SLC66A1: variants seen among roughly 807,000 people sequenced by gnomAD.
The protein encoded by SLC66A1 is solute carrier family 66 member 1.
A neutral mutation model predicts 33.0 loss-of-function variants in SLC66A1; 23 were observed. That is an observed-to-expected ratio of 0.70 (90% CI 0.50 to 0.99). The LOEUF (loss-of-function observed/expected upper bound fraction) is 0.99. Among genes scored for constraint, SLC66A1 ranks in the 50% least tolerant of loss-of-function variants. The pLI, the probability that SLC66A1 is intolerant of heterozygous loss-of-function variation, is 0.00. For synonymous variants in SLC66A1, 164 were observed against 175.5 expected, an observed-to-expected ratio of 0.93 and a Z score of 0.52; for missense variants, 335 against 383.6, an observed-to-expected ratio of 0.87 and a Z score of 1.06.
At chr1:19,329,565 G>A (rs1450990754), downstream of SLC66A1, among the ~76,000 whole-genome samples, 2 of 152,228 alleles carry the variant, frequency 1.3e-5, no homozygotes, top group African/African-American at 4.8e-5. Context: ...TCAGGAAGAA[G>A]CAGAATGGTT....
chr1:19,319,679 G>A (rs552399165), intron 2 of SLC66A1, among the ~76,000 whole-genome samples: 30 of 148,888 alleles, frequency 2.0e-4, no homozygotes, highest in African/African-American at 7.5e-4. Flanking sequence ...AAGGCGGGCA[G>A]ATCGCCTGAG....
At chr1:19,315,065 C>T (rs2093798030) in intron 1 of SLC66A1, among the ~76,000 whole-genome samples, 1 of 152,156 alleles carries the variant, frequency 6.6e-6, no homozygotes, top group Non-Finnish European at 1.5e-5. Flanking sequence ...GCACCCACCA[C>T]GCCTGGCTAA....
At position 19,328,681 on chromosome 1, in the gene SLC66A1, G is replaced by A. The variant is rs370651694; in HGVS notation, c.*38G>A. On this transcript the variant is annotated 3_prime_UTR_variant, in exon 8 of 8. Transcript: ENST00000375153. The surrounding 1 kb of genome is among the most constrained non-coding windows in gnomAD (Gnocchi z 4.7). ...TGAGCGCAGGAGGACAGGCACCACC[G>A]GATGCCACACCAGGCAGGAGGAGGT... 115 of 1,599,086 alleles carry A rather than the reference G, an allele frequency of 7.2e-5. No individual in the cohort carries two copies. In the South Asian group the frequency reaches 1.0e-3, roughly 15 times the overall value.
At chr1:19,333,340 A>C (rs889282376), downstream of SLC66A1, among the ~76,000 whole-genome samples, 2 of 151,892 alleles carry the variant, frequency 1.3e-5, no homozygotes, top group Non-Finnish European at 2.9e-5. The surrounding 1 kb of genome is among the most constrained non-coding windows in gnomAD (Gnocchi z 4.2). Context: ...CACCACGCCC[A>C]GCTAGTTTTT....
intron 2 of SLC66A1, among the ~76,000 whole-genome samples, chr1:19,321,169 CTTTTTTTTTTTT>C (rs71577887): frequency 2.4e-5 from 2 of 82,102 alleles, no homozygotes; most frequent in Non-Finnish European, 4.3e-5. Flanking sequence ...CTTATCTCTT[CTTTTTTTTTTTT>C]TTTTTTTTTT....
intron 1 of SLC66A1, among the ~76,000 whole-genome samples, chr1:19,315,360 G>A (rs2093799540): frequency 6.6e-6 from 1 of 152,246 alleles, no homozygotes; most frequent in South Asian, 2.1e-4. Context: ...CCTGTGCCAG[G>A]CCCTGGAGGT....
At chr1:19,317,372 C>T (rs907380525) in intron 1 of SLC66A1, among the ~76,000 whole-genome samples, 5 of 152,248 alleles carry the variant, frequency 3.3e-5, no homozygotes, top group Non-Finnish European at 5.9e-5. Context: ...CCCGTCCCTT[C>T]TGCAGATCCA....
In SLC66A1 at chr1:19,324,611, CCTTCCT is replaced by C. The variant is rs1448140550; in HGVS notation, c.165-10_165-5del. ...CTGTAAGGTGGCCTGAGCATGCATCCCTTCCTCTTCCTCTTCCACAGCCAGTTCATC... is the reference window on the plus strand; with the variant it reads ...CTGTAAGGTGGCCTGAGCATGCATCCCTTCCTCTTCCACAGCCAGTTCATC... On this transcript the variant is annotated splice_polypyrimidine_tract_variant and intron_variant, in intron 2 of 7. Transcript: ENST00000375153. The C allele has an allele frequency of 5.6e-6, 9 of 1,613,636 alleles. No homozygotes were observed. The highest frequency in any genetic ancestry group is 1.1e-5 in the South Asian group (1 of 91,046).
chr1:19,326,122 A>T (rs2093864672), intron 4 of SLC66A1, 123 bp from the exon 5 acceptor site: 1 of 816,982 alleles, frequency 1.2e-6, no homozygotes, highest in Admixed American at 2.4e-5. Context: ...AAGCTCAGAG[A>T]GGTTAGGTCA....
At chr1:19,316,866 T>A (rs958704674) in intron 1 of SLC66A1, among the ~76,000 whole-genome samples, 4 of 150,686 alleles carry the variant, frequency 2.7e-5, no homozygotes, top group African/African-American at 9.8e-5. Context: ...TTTTTCTTTC[T>A]TTCTTTCTTT....
downstream of SLC66A1, among the ~76,000 whole-genome samples, chr1:19,333,908 C>CAAAACAAAACAAAA (rs1293833426): frequency 1.0e-4 from 9 of 87,600 alleles, no homozygotes; most frequent in African/African-American, 3.5e-4. The surrounding 1 kb of genome is among the most constrained non-coding windows in gnomAD (Gnocchi z 4.2). Flanking sequence ...TCAAACAAAA[C>CAAAACAAAACAAAA]AAAACAAAAC....
At chr1:19,327,444 G>A in intron 7 of SLC66A1, 32 bp downstream of exon 7, 1 of 1,569,248 alleles carries the variant, frequency 6.4e-7, no homozygotes, top group Non-Finnish European at 8.7e-7. Context: ...GCAGGTGGCG[G>A]GGTGTGGGCA....
downstream of SLC66A1, among the ~76,000 whole-genome samples, chr1:19,332,017 C>G (rs185289482): frequency 7.9e-5 from 12 of 152,188 alleles, no homozygotes; most frequent in African/African-American, 1.2e-4. Flanking sequence ...GGAGGCGATA[C>G]AGCCCCTACC....
intron 3 of SLC66A1, 135 bp downstream of exon 3, chr1:19,324,897 C>A: frequency 8.2e-7 from 1 of 1,221,928 alleles, no homozygotes; most frequent in Middle Eastern, 2.8e-4. Context: ...TGTGGGAGGG[C>A]CCCATCCTTC....
intron 2 of SLC66A1, among the ~76,000 whole-genome samples, chr1:19,320,651 G>A (rs1340299225): frequency 2.6e-5 from 4 of 151,860 alleles, no homozygotes; most frequent in South Asian, 2.1e-4. Context: ...TCCTGACCTT[G>A]TGATCCGCCC....
intron 1 of SLC66A1, among the ~76,000 whole-genome samples, chr1:19,317,358 C>T (rs2093811454): frequency 6.6e-6 from 1 of 152,224 alleles, no homozygotes; most frequent in Non-Finnish European, 1.5e-5. Flanking sequence ...GGGATTTGAA[C>T]ACACCCGTCC....
intron 7 of SLC66A1, 93 bp downstream of exon 7, chr1:19,327,505 C>T (rs1569804598): frequency 7.8e-7 from 1 of 1,278,060 alleles, no homozygotes; most frequent in Non-Finnish European, 1.1e-6. Flanking sequence ...CTCTTCCTCC[C>T]TTCATCCATC....
chr1:19,327,755 T>C, intron 7 of SLC66A1: 1 of 456,516 alleles, frequency 2.2e-6, no homozygotes, highest in Non-Finnish European at 4.5e-6. Flanking sequence ...CAAGAGCGTC[T>C]AGCCAGGGAC....
chr1:19,316,070 C>T (rs376697651), intron 1 of SLC66A1, among the ~76,000 whole-genome samples: 1 of 152,214 alleles, frequency 6.6e-6, no homozygotes, highest in Non-Finnish European at 1.5e-5. Context: ...TAAGGTGTCA[C>T]GCAGGCAATG....
Sources: allele counts gnomAD v4.1 joint callset (sites outside exome capture counted in the v4.1 genomes callset), GRCh38; gene constraint gnomAD v4.1.1; non-coding constraint Gnocchi (gnomAD v3.1); transcripts MANE v1.5; gene names NCBI Gene and HGNC (gene_info 2026-07-23, HGNC 2026-07-21).